The following STPG2 variants were observed in gnomAD, a reference collection of about 807,000 sequenced individuals.
STPG2 encodes sperm-tail PG-rich repeat-containing protein 2.
In STPG2, 56 loss-of-function variants were observed where a neutral mutation model predicts 54.2. That is an observed-to-expected ratio of 1.03 (90% CI 0.83 to 1.29). The LOEUF (loss-of-function observed/expected upper bound fraction) is 1.29. Among genes scored for constraint, STPG2 ranks in the 50% most tolerant of loss-of-function variants. STPG2 has a pLI of 0.00. For missense variants in STPG2, 596 were observed against 544.9 expected, an observed-to-expected ratio of 1.09 and a Z score of -0.93; for synonymous variants, 200 against 181.8, an observed-to-expected ratio of 1.10 and a Z score of -0.81.
At chr4:97,548,948 T>C (rs183034985) in intron 4 of STPG2, among the ~76,000 whole-genome samples, 84 of 38,374 alleles carry the variant, frequency 2.2e-3, no homozygotes, top group African/African-American at 0.018. Flanking sequence ...TTTTAATACC[T>C]GAAAACTCAT....
chr4:98,113,075 C>A (rs889231497), intron 3 of STPG2, among the ~76,000 whole-genome samples: 48 of 149,476 alleles, frequency 3.2e-4, no homozygotes, highest in African/African-American at 1.1e-3. Context: ...AAAAAAAAAA[C>A]CTGCACTACT....
intron 4 of STPG2, among the ~76,000 whole-genome samples, chr4:97,488,743 G>T (rs1005988125): frequency 6.6e-6 from 1 of 151,636 alleles, no homozygotes; most frequent in Non-Finnish European, 1.5e-5. Flanking sequence ...TAAGAATCAG[G>T]CCTGGAAGTG....
intron 1 of STPG2, among the ~76,000 whole-genome samples, chr4:98,135,875 C>A (rs1462425110): frequency 6.6e-6 from 1 of 151,676 alleles, no homozygotes; most frequent in African/African-American, 2.4e-5. Context: ...GAACAAGAAC[C>A]AGATTTCATT....
intron 10 of STPG2, among the ~76,000 whole-genome samples, chr4:97,676,470 C>T (rs1722849635): frequency 6.6e-6 from 1 of 151,564 alleles, no homozygotes; most frequent in African/African-American, 2.4e-5. Flanking sequence ...TCTTTTTCCG[C>T]ATCTGAAACC....
chr4:98,025,410 A>G, intron 5 of STPG2: 1 of 399,256 alleles, frequency 2.5e-6, no homozygotes, highest in Non-Finnish European at 4.8e-6. Flanking sequence ...GTTGTTAAGA[A>G]TAAGGCCTGC....
At chr4:97,923,030 C>A (rs563502781) in intron 8 of STPG2, among the ~76,000 whole-genome samples, 9 of 152,288 alleles carry the variant, frequency 5.9e-5, no homozygotes, top group African/African-American at 1.9e-4. Context: ...TGTTAGTTTT[C>A]CACACTGGTT....
chr4:97,844,771 T>C (rs1728899686), intron 8 of STPG2, among the ~76,000 whole-genome samples: 1 of 152,014 alleles, frequency 6.6e-6, no homozygotes, highest in Non-Finnish European at 1.5e-5. Context: ...TCTGCTCCTT[T>C]CTTTCTCACC....
intron 9 of STPG2, among the ~76,000 whole-genome samples, chr4:97,744,478 A>T (rs747690710): frequency 6.6e-6 from 1 of 151,316 alleles, no homozygotes; most frequent in Middle Eastern, 3.4e-3. Flanking sequence ...TGGCAATATA[A>T]TTTTTTATTT....
intron 8 of STPG2, among the ~76,000 whole-genome samples, chr4:97,913,536 G>A (rs1731759429): frequency 6.6e-6 from 1 of 152,066 alleles, no homozygotes; most frequent in Non-Finnish European, 1.5e-5. Context: ...CCTCCTCCTT[G>A]CGCATATAAT....
intron 5 of STPG2, among the ~76,000 whole-genome samples, chr4:97,997,151 C>A (rs760779844): frequency 6.6e-6 from 1 of 152,194 alleles, no homozygotes; most frequent in Non-Finnish European, 1.5e-5. Flanking sequence ...ATGATCACTG[C>A]AGCACTATAC....
rs558878739 is a variant in STPG2, at chr4:97,806,110, CAACAGTGGATTAGATAA to C, written c.1204+34646_1204+34662del. The stretch of plus-strand genomic sequence containing the variant: ...AAAACATGAAATTAACCTAGATGCC[CAACAGTGGATTAGATAA>C]AACAGTGGATTAGATAAAGAAAATG... On this transcript the variant is annotated intron_variant, in intron 9 of 10. Transcript: ENST00000295268. Among the ~76,000 whole-genome samples, 865 of 152,162 alleles carry C rather than the reference CAACAGTGGATTAGATAA, an allele frequency of 5.7e-3. 5 individuals carry two copies. Among genetic ancestry groups the C allele is most frequent in the Middle Eastern group, 0.02 (6 of 294 alleles).
chr4:97,734,843 C>A (rs1218346593), intron 9 of STPG2, among the ~76,000 whole-genome samples: 1 of 151,952 alleles, frequency 6.6e-6, no homozygotes, highest in African/African-American at 2.4e-5. Flanking sequence ...GGGGCCGAGG[C>A]AGGTGGATCA....
intron 6 of STPG2, among the ~76,000 whole-genome samples, chr4:97,975,771 T>C (rs28615340): frequency 0.39 from 59,992 of 151,928 alleles, 12,007 homozygotes; most frequent in Middle Eastern, 0.46. Context: ...TCAAGTTCCT[T>C]ATCTAAAAAT....
At chr4:97,637,962 A>G (rs1457847306) in intron 10 of STPG2, among the ~76,000 whole-genome samples, 3 of 151,844 alleles carry the variant, frequency 2.0e-5, no homozygotes, top group Non-Finnish European at 4.4e-5. Context: ...CAAGCTACCA[A>G]TGACTTTCTT....
intron 8 of STPG2, among the ~76,000 whole-genome samples, chr4:97,935,347 G>A (rs1365318524): frequency 4.6e-5 from 7 of 152,030 alleles, no homozygotes; most frequent in Admixed American, 2.0e-4. Context: ...TGGATTCATC[G>A]ATTTTGGAAT....
intron 7 of STPG2, among the ~76,000 whole-genome samples, chr4:97,948,249 T>C (rs1733325537): frequency 6.6e-6 from 1 of 152,094 alleles, no homozygotes; most frequent in African/African-American, 2.4e-5. Context: ...TGTGTTTCTG[T>C]GGTGTAGGTT....
At chr4:97,493,561 T>C (rs1730547047) in intron 4 of STPG2, among the ~76,000 whole-genome samples, 1 of 151,506 alleles carries the variant, frequency 6.6e-6, no homozygotes, top group Non-Finnish European at 1.5e-5. Context: ...AGTTATCACA[T>C]GCTGCTAGCA....
chr4:97,986,293 CT>C (rs1734830849), intron 5 of STPG2, among the ~76,000 whole-genome samples: 1 of 152,172 alleles, frequency 6.6e-6, no homozygotes, highest in Non-Finnish European at 1.5e-5. Context: ...ATCACAATCA[CT>C]TTGGTCTGGA....
intron 5 of STPG2, among the ~76,000 whole-genome samples, chr4:98,103,750 C>T (rs1739112491): frequency 6.6e-6 from 1 of 152,018 alleles, no homozygotes; most frequent in South Asian, 2.1e-4. Flanking sequence ...TCACTTCCTA[C>T]TTCACTAATT....
Sources: allele counts gnomAD v4.1 joint callset (sites outside exome capture counted in the v4.1 genomes callset), GRCh38; gene constraint gnomAD v4.1.1; transcripts MANE v1.5; gene names NCBI Gene and HGNC (gene_info 2026-07-23, HGNC 2026-07-21).